The following PPP1R12A variants were observed in gnomAD, a reference collection of about 807,000 sequenced individuals.
PPP1R12A encodes protein phosphatase 1 regulatory subunit 12A.
A neutral mutation model predicts 139.6 loss-of-function variants in PPP1R12A; 19 were observed. The ratio of observed to expected loss-of-function variants is 0.14; its 90% CI spans 0.09 to 0.20. The LOEUF (loss-of-function observed/expected upper bound fraction) is 0.20, where lower values mean the gene tolerates loss of function less well. Ranked by LOEUF, PPP1R12A falls within the 10% of genes least tolerant of loss-of-function variation. PPP1R12A has a pLI of 1.00. For missense variants in PPP1R12A, 925 were observed against 1,211.5 expected (o/e 0.76, Z 3.51); for synonymous variants, 427 against 420.6 (o/e 1.02, Z -0.19).
At position 79,832,423 on chromosome 12, in the gene PPP1R12A, T is replaced by C; in HGVS notation, c.556A>G (p.Asn186Asp). The stretch of plus-strand genomic sequence containing the variant: ...CGGACATCATTTATATGACCACTAT[T>C]TAGCCACTGCCTGGCATCTCTAAGC... ...IMLRDARQWL[N>D]SGHINDVRHA... The change falls in exon 4 of 25, where the codon AAT becomes GAT. Residue 186 changes from asparagine (N) to aspartate (D), a missense_variant. Coordinates refer to ENST00000450142, the MANE Select transcript of PPP1R12A (RefSeq NM_002480.3). The C allele has an allele frequency of 6.2e-7, 1 of 1,613,638 alleles. No individual in the cohort carries two copies. The highest frequency in any genetic ancestry group is 8.5e-7 in the Non-Finnish European group (1 of 1,179,698).
At chr12:79,887,762 T>A (rs1356446840) in intron 1 of PPP1R12A, among the ~76,000 whole-genome samples, 1 of 152,156 alleles carries the variant, frequency 6.6e-6, no homozygotes, top group Non-Finnish European at 1.5e-5. Context: ...TTCTACTTAC[T>A]ATTTACTTAA....
intron 14 of PPP1R12A, among the ~76,000 whole-genome samples, chr12:79,802,916 G>A (rs544488594): frequency 1.3e-5 from 2 of 152,192 alleles, no homozygotes; most frequent in Admixed American, 6.5e-5. Flanking sequence ...GTGTATAACA[G>A]AGAAACTTGC....
intron 2 of PPP1R12A, among the ~76,000 whole-genome samples, chr12:79,855,863 G>A (rs944186639): frequency 1.3e-5 from 2 of 151,964 alleles, no homozygotes; most frequent in Admixed American, 6.6e-5. Flanking sequence ...ATAAGGACCT[G>A]TGGGAAGTAG....
intron 3 of PPP1R12A, among the ~76,000 whole-genome samples, chr12:79,840,871 T>C (rs1413537757): frequency 6.6e-6 from 1 of 152,114 alleles, no homozygotes; most frequent in Non-Finnish European, 1.5e-5. Flanking sequence ...TTGGAGATAT[T>C]TGCTGCATCT....
At position 79,774,155 on chromosome 12, in the gene PPP1R12A, T is replaced by C. The variant is rs557530019; in HGVS notation, c.*1774A>G. ...TATATTTTACCTCCACATAAGACCA[T>C]GGAAATTCTCAATATTCAGACCTAC... On this transcript the variant is annotated 3_prime_UTR_variant, in exon 25 of 25. Transcript: ENST00000450142. 6 of 152,222 alleles carry C rather than the reference T, an allele frequency of 3.9e-5. No homozygotes were observed. The highest frequency in any genetic ancestry group is 2.1e-4 in the South Asian group (1 of 4,816). 9.4% of individuals were successfully genotyped at this position (152,222 alleles called of 1,614,324 possible). A position where few individuals can be genotyped will look rare whatever the true frequency, so the allele number is the denominator to read the frequency against.
intron 9 of PPP1R12A, among the ~76,000 whole-genome samples, chr12:79,813,317 G>C (rs1454904254): frequency 6.6e-6 from 1 of 152,048 alleles, no homozygotes; most frequent in African/African-American, 2.4e-5. Flanking sequence ...CTCTCAGGTG[G>C]AGTACTACCT....
chr12:79,865,132 G>C (rs1387681526), intron 2 of PPP1R12A, among the ~76,000 whole-genome samples: 1 of 152,176 alleles, frequency 6.6e-6, no homozygotes, highest in Admixed American at 6.5e-5. Context: ...GATCAAGTCG[G>C]CTTCAGCCCT....
chr12:79,855,851 G>A (rs779254259), intron 2 of PPP1R12A, among the ~76,000 whole-genome samples: 1 of 151,868 alleles, frequency 6.6e-6, no homozygotes, highest in Non-Finnish European at 1.5e-5. Context: ...GGAGGTTTAT[G>A]CATAAGGACC....
chr12:79,897,769 T>A (rs766313377), intron 1 of PPP1R12A, among the ~76,000 whole-genome samples: 1 of 152,180 alleles, frequency 6.6e-6, no homozygotes, highest in Non-Finnish European at 1.5e-5. Flanking sequence ...CATTGTGAAT[T>A]CCTGACCCTT....
chr12:79,929,488 G>A (rs779247409), intron 1 of PPP1R12A, among the ~76,000 whole-genome samples: 13 of 151,928 alleles, frequency 8.6e-5, no homozygotes, highest in Admixed American at 2.0e-4. Context: ...TTTTTAGGCC[G>A]GCCACAGTGG....
chr12:79,890,670 A>G (rs1884498962), intron 1 of PPP1R12A, among the ~76,000 whole-genome samples: 2 of 152,304 alleles, frequency 1.3e-5, no homozygotes, highest in South Asian at 4.1e-4. Context: ...GTTACGGACA[A>G]TCAACATTAA....
intron 14 of PPP1R12A, among the ~76,000 whole-genome samples, chr12:79,804,012 C>G (rs1873517061): frequency 6.6e-6 from 1 of 152,122 alleles, no homozygotes; most frequent in East Asian, 1.9e-4. Context: ...CACTGAATCT[C>G]TATGCTAGAG....
rs373258575 is a variant in PPP1R12A, at chr12:79,807,238, G to A, written c.1643C>T (p.Thr548Met). 4.9e-5 allele frequency: 74 copies of A among 1,523,022 alleles called. No homozygotes were observed. The highest frequency in any genetic ancestry group is 9.9e-5 in the Admixed American group (5 of 50,516). The allele number at this position is 1,523,022 out of a possible 1,614,324, so 94.3% of individuals were successfully genotyped here. ...KKNSSVNEGS[T>M]YHKSCSFGRR... is the part of the protein sequence containing the mutation. ...ATAGTATTATTACCTTTTATGATAC[G>A]TTGATCCTTCATTAACTGAGCTATT... Residue 548 changes from threonine to methionine, a missense_variant, in exon 12 of 25, where the codon ACG becomes ATG. Coordinates refer to ENST00000450142, the MANE Select transcript of PPP1R12A (RefSeq NM_002480.3).
At chr12:79,794,707 G>A (rs1258400848) in intron 18 of PPP1R12A, among the ~76,000 whole-genome samples, 1 of 152,038 alleles carries the variant, frequency 6.6e-6, no homozygotes, top group Non-Finnish European at 1.5e-5. Context: ...GGAACATATA[G>A]TGAGAGATGG....
intron 1 of PPP1R12A, among the ~76,000 whole-genome samples, chr12:79,884,155 C>A (rs1883895694): frequency 6.6e-6 from 1 of 152,114 alleles, no homozygotes; most frequent in Non-Finnish European, 1.5e-5. Context: ...TCCTTTGACA[C>A]TTAAGATAAA....
intron 18 of PPP1R12A, among the ~76,000 whole-genome samples, chr12:79,795,117 G>C (rs1037599311): frequency 6.6e-6 from 1 of 152,034 alleles, no homozygotes; most frequent in Non-Finnish European, 1.5e-5. Context: ...TCAATAAAAG[G>C]TTTATTTTTT....
intron 1 of PPP1R12A, among the ~76,000 whole-genome samples, chr12:79,906,085 T>C (rs1287241752): frequency 6.6e-6 from 1 of 152,152 alleles, no homozygotes; most frequent in Admixed American, 6.6e-5. Context: ...ATCAAAATAT[T>C]AGCACCAAAG....
At chr12:79,821,219 C>T in intron 6 of PPP1R12A, 53 bp from the exon 7 acceptor site, 1 of 1,250,720 alleles carries the variant, frequency 8.0e-7, no homozygotes, top group Non-Finnish European at 1.2e-6. Context: ...GATACTATTA[C>T]TAAGATGCAG....
At chr12:79,881,723 A>T (rs1156732441) in intron 1 of PPP1R12A, among the ~76,000 whole-genome samples, 1 of 152,224 alleles carries the variant, frequency 6.6e-6, no homozygotes, top group African/African-American at 2.4e-5. Flanking sequence ...TACTGGAAGA[A>T]GATGACATGT....
Sources: gnomAD v4.1 joint callset for allele counts (sites outside exome capture counted in the v4.1 genomes callset) on GRCh38, gnomAD v4.1.1 for gene constraint, MANE v1.5 for transcripts, NCBI Gene and HGNC (gene_info 2026-07-23, HGNC 2026-07-21) for gene names.